Variants in ATP2B1 observed in about 807,000 individuals in gnomAD.
The protein encoded by ATP2B1 is ATPase plasma membrane Ca2+ transporting 1.
ATP2B1 carries 14 observed loss-of-function variants against 124.2 expected under a neutral mutation model. That is an observed-to-expected ratio of 0.11 (90% CI 0.07 to 0.18). The LOEUF is 0.18. Among genes scored for constraint, ATP2B1 ranks in the 10% least tolerant of loss-of-function variants. ATP2B1 has a pLI of 1.00. For missense variants in ATP2B1, 763 were observed against 1,466.1 expected (o/e 0.52, Z 7.83); for synonymous variants, 449 against 492.4 (o/e 0.91, Z 1.17).
intron 1 of ATP2B1, among the ~76,000 whole-genome samples, chr12:89,669,526 G>T (rs1475135812): frequency 6.6e-6 from 1 of 152,090 alleles, no homozygotes; most frequent in Non-Finnish European, 1.5e-5. Flanking sequence ...AACAACTTAC[G>T]TAGTGCTTCA....
intron 1 of ATP2B1, among the ~76,000 whole-genome samples, chr12:89,685,811 G>C (rs1889899223): frequency 6.6e-6 from 1 of 151,986 alleles, no homozygotes; most frequent in Non-Finnish European, 1.5e-5. Flanking sequence ...ATTAAAACAG[G>C]TCTTATGGGT....
intron 12 of ATP2B1, among the ~76,000 whole-genome samples, chr12:89,616,263 T>C (rs2136045481): frequency 6.6e-6 from 1 of 151,942 alleles, no homozygotes; most frequent in East Asian, 1.9e-4. Flanking sequence ...CAAAAAAAAA[T>C]TAAAGAGGGA....
At chr12:89,600,971 A>C (rs1875713352) in intron 19 of ATP2B1, among the ~76,000 whole-genome samples, 1 of 152,176 alleles carries the variant, frequency 6.6e-6, no homozygotes, top group Admixed American at 6.5e-5. Context: ...CATTGTTGTA[A>C]AAAATTTTTT....
intron 20 of ATP2B1, among the ~76,000 whole-genome samples, chr12:89,598,039 CAAAA>C (rs10661138): frequency 3.1e-4 from 19 of 60,546 alleles, no homozygotes; most frequent in South Asian, 9.6e-4. Flanking sequence ...CACAACCAAG[CAAAA>C]AAAAAAAAAA....
At position 89,632,236 on chromosome 12, in the gene ATP2B1, T is replaced by C. The variant is rs181978544; in HGVS notation, c.788-1591A>G. Among the ~76,000 whole-genome samples the C allele has an allele frequency of 4.6e-5, 7 of 152,324 alleles. No individual in the cohort carries two copies. In the East Asian group the frequency reaches 1.3e-3, roughly 29 times the overall value. ...GAACATAGCATCTACCATAATCTTA[T>C]GAACCAAGTTGATGCTCAAGGATTA... On this transcript the variant is annotated intron_variant, in intron 5 of 20. Transcript: ENST00000428670.
rs530612551 is a variant in ATP2B1, at chr12:89,613,235, C to G, written c.2068-1863G>C. On this transcript the variant is annotated intron_variant, in intron 12 of 20. Transcript: ENST00000428670. ...AGCTCAGGCGATCCGTCTGCCTCAG[C>G]CTCCCAAAGTAATGGGATTATAGGT... Among the ~76,000 whole-genome samples, 310 of 152,262 alleles carry G rather than the reference C, an allele frequency of 2.0e-3. 2 individuals are homozygous for G. The highest frequency in any genetic ancestry group is 7.2e-3 in the African/African-American group (298 of 41,544).
chr12:89,670,326 T>A (rs1887791493), intron 1 of ATP2B1, among the ~76,000 whole-genome samples: 1 of 151,734 alleles, frequency 6.6e-6, no homozygotes, highest in Non-Finnish European at 1.5e-5. Flanking sequence ...AAATACAGAT[T>A]ATTTCCTAAA....
intron 1 of ATP2B1, among the ~76,000 whole-genome samples, chr12:89,681,213 A>C (rs1357592270): frequency 1.3e-5 from 2 of 152,172 alleles, no homozygotes; most frequent in Non-Finnish European, 2.9e-5. Flanking sequence ...AGATATACTG[A>C]ATAAAAATGA....
At chr12:89,682,794 A>C (rs1889515744) in intron 1 of ATP2B1, among the ~76,000 whole-genome samples, 1 of 152,220 alleles carries the variant, frequency 6.6e-6, no homozygotes, top group Non-Finnish European at 1.5e-5. Flanking sequence ...GGTAAGGTTT[A>C]ACTGTGACTT....
At chr12:89,628,273 G>A (rs1385043860) in intron 6 of ATP2B1, among the ~76,000 whole-genome samples, 1 of 152,044 alleles carries the variant, frequency 6.6e-6, no homozygotes, top group Non-Finnish European at 1.5e-5. Flanking sequence ...GTGGTGGCAT[G>A]CACCTGTAGT....
At chr12:89,644,611 G>T (rs1342182560) in intron 2 of ATP2B1, among the ~76,000 whole-genome samples, 2 of 151,786 alleles carry the variant, frequency 1.3e-5, no homozygotes, top group Non-Finnish European at 2.9e-5. Context: ...AGAGTCAATA[G>T]AAAGCAAGGC....
chr12:89,694,951 G>C (rs896862049), intron 1 of ATP2B1, among the ~76,000 whole-genome samples: 2 of 150,656 alleles, frequency 1.3e-5, no homozygotes, highest in Non-Finnish European at 2.9e-5. Context: ...CAGCTACCCG[G>C]GAGGCTAAGG....
At position 89,589,802 on chromosome 12, in the gene ATP2B1, AATTT is replaced by A. The variant is rs1319930954; in HGVS notation, c.*1178_*1181del. On this transcript the variant is annotated 3_prime_UTR_variant, in exon 21 of 21. Transcript: ENST00000428670. ...TGTCTTTTAAAAAAACATTGCCATG[AATTT>A]ATTTAATAAAAGGGCATATTTATTT... The A allele has an allele frequency of 1.3e-5, 2 of 152,184 alleles. No individual in the cohort carries two copies. Among genetic ancestry groups the A allele is most frequent in the African/African-American group, 2.4e-5 (1 of 41,428 alleles). The allele number at this position is 152,184 out of a possible 1,614,324, so 9.4% of individuals were successfully genotyped here. A position where few individuals can be genotyped will look rare whatever the true frequency, so the allele number is the denominator to read the frequency against.
intron 18 of ATP2B1, 89 bp downstream of exon 18, chr12:89,602,954 T>G: frequency 8.6e-7 from 1 of 1,167,894 alleles, no homozygotes; most frequent in Non-Finnish European, 1.2e-6. Context: ...TCCACACATG[T>G]TCCACACAAG....
rs764905259 is a variant in ATP2B1, at chr12:89,610,388, A to G, written c.2335+33T>C. ...GGAAGCAGAACACATTTCTGTATTA[A>G]GAAATTGTGAAATAACTGAAAAATC... On this transcript the variant is annotated intron_variant, in intron 14 of 20. Transcript: ENST00000428670. 1.9e-6 allele frequency: 3 copies of G among 1,551,426 alleles called. No individual in the cohort carries two copies. In the East Asian group the frequency reaches 6.7e-5, roughly 35 times the overall value.
chr12:89,617,265 C>T (rs1430537191), intron 11 of ATP2B1, among the ~76,000 whole-genome samples: 1 of 152,158 alleles, frequency 6.6e-6, no homozygotes, highest in Non-Finnish European at 1.5e-5. Context: ...ATCAATTACT[C>T]TAGAACTTCT....
At chr12:89,698,573 A>G (rs931915436) in intron 1 of ATP2B1, among the ~76,000 whole-genome samples, 2 of 152,172 alleles carry the variant, frequency 1.3e-5, no homozygotes, top group African/African-American at 4.8e-5. Flanking sequence ...AAATATATAC[A>G]TGCCTCAGAA....
chr12:89,693,128 G>A (rs1476087487), intron 1 of ATP2B1, among the ~76,000 whole-genome samples: 1 of 152,098 alleles, frequency 6.6e-6, no homozygotes, highest in Non-Finnish European at 1.5e-5. Context: ...TGAAGTGATG[G>A]CAACACAGAC....
intron 6 of ATP2B1, among the ~76,000 whole-genome samples, chr12:89,629,154 A>G (rs1881429263): frequency 6.6e-6 from 1 of 152,200 alleles, no homozygotes; most frequent in Non-Finnish European, 1.5e-5. Context: ...ACTTCCCTTC[A>G]GCGTTCAATG....
Sources: gnomAD v4.1 joint callset for allele counts (sites outside exome capture counted in the v4.1 genomes callset) on GRCh38, gnomAD v4.1.1 for gene constraint, MANE v1.5 for transcripts, NCBI Gene and HGNC (gene_info 2026-07-23, HGNC 2026-07-21) for gene names.